LAIR1: variants seen among roughly 807,000 people sequenced by gnomAD.
LAIR1 encodes leukocyte-associated immunoglobulin-like receptor 1.
In LAIR1, 24 loss-of-function variants were observed where a neutral mutation model predicts 32.8. The ratio of observed to expected loss-of-function variants is 0.73; its 90% CI spans 0.53 to 1.03. The LOEUF is 1.03. LAIR1 is among the 50% of genes least tolerant of loss of function. LAIR1 has a pLI of 0.00. For missense variants in LAIR1, 355 were observed against 347.5 expected (o/e 1.02, Z -0.17); for synonymous variants, 150 against 140.5 (o/e 1.07, Z -0.48).
Position 54,364,845 on chromosome 19 carries a change from A to G in LAIR1, c.-41T>C, listed in dbSNP as rs781368670. ...AGTGCAGCCTGGCCTGAGGCGCACC[A>G]ATGCAAGGACAGAACTCTGCAGCAG... On this transcript the variant is annotated 5_prime_UTR_variant, in exon 1 of 10. Transcript: ENST00000391742. This position sits in a 1 kb window ranked among gnomAD's most constrained non-coding sequence, Gnocchi z 4.8. 2 of 1,614,068 alleles carry G rather than the reference A, an allele frequency of 1.2e-6. No individual in the cohort carries two copies. Among genetic ancestry groups the G allele is most frequent in the Middle Eastern group, 3.3e-4 (2 of 6,060 alleles).
chr19:54,362,775 C>T (rs1388333018), intron 2 of LAIR1, among the ~76,000 whole-genome samples: 2 of 152,262 alleles, frequency 1.3e-5, no homozygotes, highest in South Asian at 2.1e-4. Context: ...TGTGAGCCAC[C>T]GCACCCAGCC....
upstream of LAIR1, among the ~76,000 whole-genome samples, chr19:54,371,546 G>A (rs1188876666): frequency 1.1e-4 from 17 of 151,394 alleles, 1 homozygote; most frequent in African/African-American, 3.2e-4. Context: ...TGATCTGCCC[G>A]CCTCAGCCTC....
At chr19:54,373,878 C>A (rs192207452), upstream of LAIR1, among the ~76,000 whole-genome samples, 2 of 152,334 alleles carry the variant, frequency 1.3e-5, no homozygotes, top group Admixed American at 6.5e-5. Flanking sequence ...AATGGCGTCC[C>A]GTACTTCAAA....
chr19:54,371,915 C>T (rs1383000326), upstream of LAIR1, among the ~76,000 whole-genome samples: 7 of 151,522 alleles, frequency 4.6e-5, no homozygotes, highest in South Asian at 6.3e-4. Flanking sequence ...GCCATTTGGG[C>T]GGGCTTATTT....
chr19:54,362,687 T>A (rs1328274948), intron 2 of LAIR1, among the ~76,000 whole-genome samples: 1 of 152,230 alleles, frequency 6.6e-6, no homozygotes, highest in Admixed American at 6.5e-5. Flanking sequence ...GTTTCCCCCA[T>A]GTTGTCCAGG....
At chr19:54,365,082 G>C (rs1285965659), upstream of LAIR1, 10 of 1,342,368 alleles carry the variant, frequency 7.4e-6, no homozygotes, top group Non-Finnish European at 9.5e-6. Context: ...AGATGTGTCA[G>C]CCTCTTTCTA....
rs1340483613 is a variant in LAIR1, at chr19:54,354,474, T to C, written c.*794A>G. On this transcript the variant is annotated 3_prime_UTR_variant, in exon 10 of 10. Coordinates refer to ENST00000391742, the MANE Select transcript of LAIR1 (RefSeq NM_002287.6). ...TGCGCTGAGGAATTGATTGTGACTG[T>C]CATTGCACAATGTACGTGTACGACA... 1 of 152,254 alleles carries C rather than the reference T, an allele frequency of 6.6e-6. No homozygotes were observed. Among genetic ancestry groups the C allele is most frequent in the Non-Finnish European group, 1.5e-5 (1 of 68,050 alleles). 9.4% of individuals were successfully genotyped at this position (152,254 alleles called of 1,614,324 possible).
Position 54,354,606 on chromosome 19 carries a change from A to C in LAIR1, c.*662T>G, listed in dbSNP as rs958748024. On this transcript the variant is annotated 3_prime_UTR_variant, in exon 10 of 10. Coordinates refer to ENST00000391742, the MANE Select transcript of LAIR1 (RefSeq NM_002287.6). ...GTCCTGTTTCCCTCACTCAGCTTTG[A>C]ACAACTGTGAAGGCAGAGAGTGGGT... is the stretch of plus-strand genomic sequence containing the variant. The C allele has an allele frequency of 6.6e-6, 1 of 152,212 alleles. No homozygotes were observed. The highest frequency in any genetic ancestry group is 6.5e-5 in the Admixed American group (1 of 15,282). The allele number at this position is 152,212 out of a possible 1,614,324, so 9.4% of individuals were successfully genotyped here. A position where few individuals can be genotyped will look rare whatever the true frequency, so the allele number is the denominator to read the frequency against.
At chr19:54,370,622 A>C (rs1212785830), upstream of LAIR1, 2 of 253,946 alleles carry the variant, frequency 7.9e-6, no homozygotes, top group Non-Finnish European at 1.5e-5. Context: ...CCAGCATCAC[A>C]GCTCAAATCC....
Position 54,360,820 on chromosome 19 carries a change from G to A in LAIR1, c.364+96C>T, listed in dbSNP as rs1181269576. 7 of 1,247,496 alleles carry A rather than the reference G, an allele frequency of 5.6e-6. No homozygotes were observed. In the East Asian group the frequency reaches 1.6e-4, roughly 29 times the overall value. 77.3% of individuals were successfully genotyped at this position (1,247,496 alleles called of 1,614,324 possible). On this transcript the variant is annotated intron_variant, in intron 3 of 9. Coordinates refer to ENST00000391742, the MANE Select transcript of LAIR1 (RefSeq NM_002287.6). ...TGGGGTCAGGAGGAGGACAAGGTTG[G>A]CCACAGAGGACAGCAGCTGGGACAG...
chr19:54,371,180 C>T (rs564630099), upstream of LAIR1, among the ~76,000 whole-genome samples: 19 of 151,424 alleles, frequency 1.3e-4, no homozygotes, highest in East Asian at 2.1e-3. Flanking sequence ...CCTCAGGTAC[C>T]GTAACCAGCA....
chr19:54,371,845 C>G (rs1476133065), upstream of LAIR1, among the ~76,000 whole-genome samples: 1 of 151,598 alleles, frequency 6.6e-6, no homozygotes, highest in Non-Finnish European at 1.5e-5. Flanking sequence ...GAACTTTACA[C>G]TCTTTCTATA....
rs760699396 is a variant in LAIR1, at chr19:54,356,390, T to TG, written c.591dup (p.Arg198GlnfsTer14). 94 of 1,592,858 alleles carry TG rather than the reference T, an allele frequency of 5.9e-5. No individual in the cohort carries two copies. The South Asian group carries it at 1.0e-3, about 17-fold the overall frequency. Reference sequence around the variant, plus strand: ...GGCTTCTGCTCCTCGTCCTTGCTTCTGGGGGGCCCTAAGGACAGTCGGGGT... The same window carrying TG: ...GGCTTCTGCTCCTCGTCCTTGCTTCTGGGGGGGCCCTAAGGACAGTCGGGGT... On this transcript the variant is annotated frameshift_variant, in exon 7 of 10. Coordinates refer to ENST00000391742, the MANE Select transcript of LAIR1 (RefSeq NM_002287.6). LOFTEE classifies it high-confidence loss of function.
upstream of LAIR1, chr19:54,368,368 T>A (rs1985841): frequency 1.3e-5 from 2 of 152,176 alleles, no homozygotes; most frequent in Middle Eastern, 6.8e-3. Flanking sequence ...GCATTGAACA[T>A]GAGGCCAAAA....
chr19:54,373,028 G>A (rs1234959755), upstream of LAIR1, among the ~76,000 whole-genome samples: 3 of 151,006 alleles, frequency 2.0e-5, no homozygotes, highest in African/African-American at 7.4e-5. Flanking sequence ...TGCTTGGGAG[G>A]CTGAGAGGCA....
chr19:54,369,932 G>A lies in LAIR1; in HGVS notation c.16+330C>T, dbSNP rs374620573. Reference sequence around the variant, plus strand: ...AATGATCTCAAGCTTGGACCTCGTGGACAGACTGGGGAACTCAAGCTAAAC... The same window carrying A: ...AATGATCTCAAGCTTGGACCTCGTGAACAGACTGGGGAACTCAAGCTAAAC... On this transcript the variant is annotated intron_variant, in intron 1 of 8. Transcript: ENST00000391743. Among the ~76,000 whole-genome samples the A allele has an allele frequency of 1.9e-4, 29 of 149,858 alleles. 2 individuals are homozygous for A. The South Asian group carries it at 3.2e-3, about 16-fold the overall frequency.
At chr19:54,369,866 T>C (rs547985556), upstream of LAIR1, among the ~76,000 whole-genome samples, 2 of 149,884 alleles carry the variant, frequency 1.3e-5, no homozygotes, top group African/African-American at 5.1e-5. Context: ...AGCACGTCAC[T>C]GCGTTGCTGA....
chr19:54,355,079 C>T lies in LAIR1; in HGVS notation c.*189G>A, dbSNP rs1805260041. On this transcript the variant is annotated 3_prime_UTR_variant, in exon 10 of 10. Transcript: ENST00000391742. The surrounding 1 kb of genome is among the most constrained non-coding windows in gnomAD (Gnocchi z 4.7). ...AGGAGCTGCTCGATTGTAGAAGGGA[C>T]CACCTGGCTAACGAACCTTCTGGAT... 5.3e-6 allele frequency: 3 copies of T among 562,568 alleles called. No homozygotes were observed. The highest frequency in any genetic ancestry group is 1.9e-5 in the African/African-American group (1 of 51,652). The allele number at this position is 562,568 out of a possible 1,614,324, so 34.8% of individuals were successfully genotyped here. A position where few individuals can be genotyped will look rare whatever the true frequency, so the allele number is the denominator to read the frequency against.
chr19:54,363,517 C>A (rs926557770), intron 2 of LAIR1, among the ~76,000 whole-genome samples: 1 of 152,204 alleles, frequency 6.6e-6, no homozygotes, highest in Non-Finnish European at 1.5e-5. Context: ...CGCAGCACTA[C>A]TCACAGCCGC....
Sources: gnomAD v4.1 joint callset for allele counts (sites outside exome capture counted in the v4.1 genomes callset) on GRCh38, gnomAD v4.1.1 for gene constraint, Gnocchi (gnomAD v3.1) non-coding constraint, MANE v1.5 for transcripts, NCBI Gene and HGNC (gene_info 2026-07-23, HGNC 2026-07-21) for gene names.